Variants in PCDHGB2 observed in about 807,000 individuals in gnomAD.
PCDHGB2 encodes protocadherin gamma-B2.
In PCDHGB2, 55 loss-of-function variants were observed where a neutral mutation model predicts 59.3. That is an observed-to-expected ratio of 0.93 (90% confidence interval 0.75 to 1.16). PCDHGB2 has a LOEUF of 1.16. Among genes scored for constraint, PCDHGB2 ranks in the 50% most tolerant of loss-of-function variants. The probability of loss-of-function intolerance (pLI) is 0.00; values close to 1 mark genes in which losing one functional copy is unlikely to be tolerated. For synonymous variants in PCDHGB2, 516 were observed against 512.0 expected (o/e 1.01, Z -0.11); for missense variants, 1,228 against 1,198.5 (o/e 1.02, Z -0.36).
chr5:141,421,235 A>G (rs1375447356), intron 1 of PCDHGB2: 3 of 1,594,470 alleles, frequency 1.9e-6, no homozygotes, highest in East Asian at 2.2e-5. Context: ...GCCATGGCGA[A>G]TCGGCTACAG....
At position 141,364,741 on chromosome 5, in the gene PCDHGB2, G is replaced by C. The variant is rs774257321; in HGVS notation, c.2421+2185G>C. 5.6e-6 allele frequency: 9 copies of C among 1,613,840 alleles called. No homozygotes were observed. In the Admixed American group the frequency reaches 1.5e-4, roughly 27 times the overall value. Reference sequence around the variant, plus strand: ...ACTTCCCGCGTTTCCGGGATGAAGAGTTAAAAGTAAAAGTTAATGAAAATG... The same window carrying C: ...ACTTCCCGCGTTTCCGGGATGAAGACTTAAAAGTAAAAGTTAATGAAAATG... On this transcript the variant is annotated intron_variant, in intron 1 of 3. Transcript: ENST00000522605.
intron 1 of PCDHGB2, chr5:141,478,581 T>C: frequency 6.3e-7 from 1 of 1,580,158 alleles, no homozygotes; most frequent in Non-Finnish European, 8.6e-7. Flanking sequence ...ACCCTGTTAG[T>C]GCTTTTTTAT....
chr5:141,414,855 C>T (rs2095795912), intron 1 of PCDHGB2: 3 of 1,614,236 alleles, frequency 1.9e-6, no homozygotes, highest in Non-Finnish European at 2.5e-6. Flanking sequence ...TGGACCAGAA[C>T]GACAATGCGC....
chr5:141,380,273 G>A (rs1174536963), intron 1 of PCDHGB2, among the ~76,000 whole-genome samples: 1 of 152,076 alleles, frequency 6.6e-6, no homozygotes, highest in Admixed American at 6.6e-5. Context: ...AAATCTCAGA[G>A]GAGAAACATT....
In PCDHGB2 at chr5:141,476,784, C is replaced by A; in HGVS notation, c.2422-18023C>A. 1 of 1,613,520 alleles carries A rather than the reference C, an allele frequency of 6.2e-7. No homozygotes were observed. On this transcript the variant is annotated intron_variant, in intron 1 of 3. Transcript: ENST00000522605. The surrounding 1 kb of genome is among the most constrained non-coding windows in gnomAD (Gnocchi z 7.6). ...ACGGCGTTGGACGGAGGGACCCCAGCTCTCTCCGCCAGCCTGCCTATTCAC... is the reference window on the plus strand; with the variant it reads ...ACGGCGTTGGACGGAGGGACCCCAGATCTCTCCGCCAGCCTGCCTATTCAC...
chr5:141,375,347 G>C, intron 1 of PCDHGB2: 2 of 1,613,852 alleles, frequency 1.2e-6, no homozygotes, highest in Non-Finnish European at 1.7e-6. Flanking sequence ...CAACATCACT[G>C]TGACAGCCAC....
At chr5:141,427,615 A>G (rs1428096450) in intron 1 of PCDHGB2, 2 of 693,732 alleles carry the variant, frequency 2.9e-6, no homozygotes, top group Non-Finnish European at 5.3e-6. Context: ...GGTGAAGTCA[A>G]CGACAATGCT....
Position 141,447,812 on chromosome 5 carries a change from G to A in PCDHGB2, c.2422-46995G>A, listed in dbSNP as rs557330895. 5.4e-4 allele frequency among the ~76,000 whole-genome samples: 82 copies of A among 152,254 alleles called. 1 individual carries two copies. The highest frequency in any genetic ancestry group is 1.3e-3 in the Admixed American group (20 of 15,294). On this transcript the variant is annotated intron_variant, in intron 1 of 3. Coordinates refer to ENST00000522605, the MANE Select transcript of PCDHGB2 (RefSeq NM_018923.3). ...TTTAAGAAAATAAAATTGGCTGGGC[G>A]TGGTGGCTCACGCCTGTAATCCCAG...
intron 1 of PCDHGB2, chr5:141,371,369 A>G: frequency 6.2e-7 from 1 of 1,614,014 alleles, no homozygotes; most frequent in Non-Finnish European, 8.5e-7. Flanking sequence ...AGGATGGTGG[A>G]CATCACACTG....
chr5:141,360,641 G>A lies in PCDHGB2; in HGVS notation c.506G>A (p.Arg169Lys). 6.2e-7 allele frequency: 1 copy of A among 1,613,962 alleles called. No homozygotes were observed. Among genetic ancestry groups the A allele is most frequent in the Non-Finnish European group, 8.5e-7 (1 of 1,179,892 alleles). Residue 169 changes from arginine (R) to lysine (K), a missense_variant, in exon 1 of 4, where the codon AGA (arginine) becomes AAA (lysine). Arg to Lys is a conservative substitution (Grantham distance 26). Coordinates refer to ENST00000522605, the MANE Select transcript of PCDHGB2 (RefSeq NM_018923.3). ...DSDVGPNSLQ[R>K]YHLNDNEYFD... Reference sequence around the variant, plus strand: ...GATGTTGGTCCTAACTCACTACAAAGATACCACCTTAATGACAACGAGTAC... The same window carrying A: ...GATGTTGGTCCTAACTCACTACAAAAATACCACCTTAATGACAACGAGTAC...
chr5:141,369,472 G>C (rs557451479), intron 1 of PCDHGB2, among the ~76,000 whole-genome samples: 3 of 152,128 alleles, frequency 2.0e-5, no homozygotes, highest in Non-Finnish European at 4.4e-5. Flanking sequence ...TTCTAGCCCA[G>C]CCTGGGCAAC....
At chr5:141,397,984 A>G in intron 1 of PCDHGB2, 18 of 1,310,016 alleles carry the variant, frequency 1.4e-5, no homozygotes, top group Non-Finnish European at 1.9e-5. Flanking sequence ...CGGCCTTTAC[A>G]CCGCTTCCTC....
At chr5:141,405,267 A>G (rs1384687423) in intron 1 of PCDHGB2, 1 of 1,614,154 alleles carries the variant, frequency 6.2e-7, no homozygotes, top group South Asian at 1.1e-5. Context: ...ATCTTCCCCC[A>G]GCCCAACTAT....
Position 141,383,203 on chromosome 5 carries a change from T to A in PCDHGB2, c.2421+20647T>A, listed in dbSNP as rs755782697. The A allele has an allele frequency of 2.5e-6, 4 of 1,613,936 alleles. No homozygotes were observed. The highest frequency in any genetic ancestry group is 3.3e-5 in the Admixed American group (2 of 60,008). On this transcript the variant is annotated intron_variant, in intron 1 of 3. Coordinates refer to ENST00000522605, the MANE Select transcript of PCDHGB2 (RefSeq NM_018923.3). ...AGAGATCTGCGCTCAGAGTGCGCGGTGTCTGGTAAACTTTAACATCCTGAT... is the reference window on the plus strand; with the variant it reads ...AGAGATCTGCGCTCAGAGTGCGCGGAGTCTGGTAAACTTTAACATCCTGAT...
intron 1 of PCDHGB2, chr5:141,478,523 G>T (rs2099461821): frequency 6.2e-7 from 1 of 1,609,908 alleles, no homozygotes; most frequent in Non-Finnish European, 8.5e-7. Context: ...GGTGTTGGGT[G>T]CAGAGAGCGC....
chr5:141,409,541 G>A (rs1485327824), intron 1 of PCDHGB2: 5 of 1,613,852 alleles, frequency 3.1e-6, no homozygotes, highest in South Asian at 1.1e-5. Flanking sequence ...TGACATCAAC[G>A]ACAACGCCCC....
chr5:141,460,377 T>C (rs1592666836), intron 1 of PCDHGB2, among the ~76,000 whole-genome samples: 1 of 152,342 alleles, frequency 6.6e-6, no homozygotes, highest in Non-Finnish European at 1.5e-5. Flanking sequence ...AGTTTTACCA[T>C]TTATAATTTG....
intron 1 of PCDHGB2, chr5:141,419,231 C>G (rs1309708358): frequency 2.5e-6 from 4 of 1,614,026 alleles, no homozygotes; most frequent in Admixed American, 1.7e-5. Context: ...GTCAGCCTAC[C>G]TGGTCCACGT....
In PCDHGB2 at chr5:141,361,122, C is replaced by A; in HGVS notation, c.987C>A (p.Ala329=). Residue 329 remains alanine, a synonymous_variant, in exon 1 of 4, where the codon GCC becomes GCA. Coordinates refer to ENST00000522605, the MANE Select transcript of PCDHGB2 (RefSeq NM_018923.3). ...CAAAAGATCCTGGAGATCTAGCAGCCCACTGCAGTATCCAAGTTGAAATTC... is the reference window on the plus strand; with the variant it reads ...CAAAAGATCCTGGAGATCTAGCAGCACACTGCAGTATCCAAGTTGAAATTC... ...IEAKDPGDLA[A]HCSIQVEILD... The A allele has an allele frequency of 6.2e-7, 1 of 1,613,946 alleles. No homozygotes were observed. The highest frequency in any genetic ancestry group is 8.5e-7 in the Non-Finnish European group (1 of 1,179,886).
Sources: allele counts gnomAD v4.1 joint callset (sites outside exome capture counted in the v4.1 genomes callset), GRCh38; gene constraint gnomAD v4.1.1; non-coding constraint Gnocchi (gnomAD v3.1); transcripts MANE v1.5; gene names NCBI Gene and HGNC (gene_info 2026-07-23, HGNC 2026-07-21).